Variants in SLC2A12 observed in about 807,000 individuals in gnomAD.
The protein encoded by SLC2A12 is solute carrier family 2, facilitated glucose transporter member 12.
SLC2A12 carries 23 observed loss-of-function variants against 41.8 expected under a neutral mutation model. The ratio of observed to expected loss-of-function variants is 0.55; its 90% CI spans 0.40 to 0.78. The LOEUF is 0.78. SLC2A12 is among the 30% of genes least tolerant of loss of function. The pLI is 0.00. For synonymous variants in SLC2A12, 295 were observed against 285.9 expected (o/e 1.03, Z -0.32); for missense variants, 654 against 745.6 (o/e 0.88, Z 1.43).
chr6:134,044,382 G>A (rs960180934), intron 1 of SLC2A12, among the ~76,000 whole-genome samples: 12 of 152,070 alleles, frequency 7.9e-5, no homozygotes, highest in Admixed American at 4.6e-4. Flanking sequence ...CAGTTAGTTC[G>A]ATTTTTATTT....
chr6:134,007,368 C>G (rs77180340), intron 2 of SLC2A12, among the ~76,000 whole-genome samples: 2,756 of 152,326 alleles, frequency 0.018, 82 homozygotes, highest in African/African-American at 0.063. Context: ...TCCCCCTGAC[C>G]TTGGAGGAGT....
intron 1 of SLC2A12, among the ~76,000 whole-genome samples, chr6:134,041,300 G>C (rs1777378019): frequency 6.6e-6 from 1 of 152,082 alleles, no homozygotes; most frequent in African/African-American, 2.4e-5. Flanking sequence ...TGAAATCATG[G>C]AAATTGGAGT....
At chr6:134,035,020 T>C (rs563451905) in intron 1 of SLC2A12, among the ~76,000 whole-genome samples, 1 of 152,002 alleles carries the variant, frequency 6.6e-6, no homozygotes, top group East Asian at 1.9e-4. Context: ...CCATAGGCAG[T>C]TTTGTTATGC....
At chr6:134,007,331 T>C (rs1776828147) in intron 2 of SLC2A12, among the ~76,000 whole-genome samples, 1 of 152,190 alleles carries the variant, frequency 6.6e-6, no homozygotes, top group Non-Finnish European at 1.5e-5. Context: ...GTACCTGCTG[T>C]AGGACTGGGC....
intron 1 of SLC2A12, among the ~76,000 whole-genome samples, chr6:134,039,168 T>C (rs1777346977): frequency 1.3e-5 from 2 of 152,248 alleles, no homozygotes; most frequent in African/African-American, 4.8e-5. Flanking sequence ...GTTAGTTTAA[T>C]ATATTCATTT....
chr6:134,017,090 G>A (rs1776972243), intron 2 of SLC2A12, among the ~76,000 whole-genome samples: 1 of 152,068 alleles, frequency 6.6e-6, no homozygotes, highest in African/African-American at 2.4e-5. Context: ...AGGAAGCTGG[G>A]TCTCATATTT....
At chr6:134,007,016 C>G (rs1422371434) in intron 2 of SLC2A12, 82 bp from the exon 3 acceptor site, 1 of 1,573,298 alleles carries the variant, frequency 6.4e-7, no homozygotes, top group East Asian at 2.3e-5. Flanking sequence ...CCTGATCTCT[C>G]CCTGCCCTCA....
chr6:134,021,803 A>G (rs1322045609), intron 2 of SLC2A12, among the ~76,000 whole-genome samples: 1 of 152,226 alleles, frequency 6.6e-6, no homozygotes, highest in Non-Finnish European at 1.5e-5. Context: ...GACCTCTAAA[A>G]AATGGAGTGG....
intron 1 of SLC2A12, among the ~76,000 whole-genome samples, chr6:134,038,171 A>C (rs543909999): frequency 6.6e-6 from 1 of 152,034 alleles, no homozygotes; most frequent in Non-Finnish European, 1.5e-5. Context: ...CCCGGGTTTG[A>C]TTTAGTAGCA....
chr6:133,991,011 G>T lies in SLC2A12; in HGVS notation c.*144C>A, dbSNP rs1388536602. On this transcript the variant is annotated 3_prime_UTR_variant, in exon 5 of 5. Coordinates refer to ENST00000275230, the MANE Select transcript of SLC2A12 (RefSeq NM_145176.3). ...CTTCTGGGGAGGAGGGGGATTAAAG[G>T]CTGTCTTTATCATTTCAGAGTGTCT... is the stretch of plus-strand genomic sequence containing the variant. 10 of 931,122 alleles carry T rather than the reference G, an allele frequency of 1.1e-5. No individual in the cohort carries two copies. Among genetic ancestry groups the T allele is most frequent in the Non-Finnish European group, 9.3e-6 (6 of 644,714 alleles). The allele number at this position is 931,122 out of a possible 1,614,324, so 57.7% of individuals were successfully genotyped here.
At chr6:134,003,847 T>G (rs562073413) in intron 3 of SLC2A12, among the ~76,000 whole-genome samples, 2 of 152,326 alleles carry the variant, frequency 1.3e-5, no homozygotes, top group East Asian at 3.9e-4. Context: ...TCTGGAACAG[T>G]CTGCTTTTAT....
At chr6:133,997,964 T>A (rs926666444) in intron 4 of SLC2A12, among the ~76,000 whole-genome samples, 2 of 152,238 alleles carry the variant, frequency 1.3e-5, no homozygotes, top group African/African-American at 4.8e-5. Flanking sequence ...TTTTTGTTCT[T>A]CATTACAAAC....
chr6:134,019,669 C>T (rs909361620), intron 2 of SLC2A12, among the ~76,000 whole-genome samples: 1 of 152,154 alleles, frequency 6.6e-6, no homozygotes, highest in African/African-American at 2.4e-5. Flanking sequence ...TGAACCTCTT[C>T]GGTAGGCTGG....
At chr6:134,050,121 A>G (rs187192483) in intron 1 of SLC2A12, among the ~76,000 whole-genome samples, 1 of 152,354 alleles carries the variant, frequency 6.6e-6, no homozygotes, top group East Asian at 1.9e-4. Flanking sequence ...AGATGAAGAT[A>G]CAATCCCAAT....
chr6:134,029,126 A>G lies in SLC2A12; in HGVS notation c.699T>C (p.Ala233=). ...FLVMKGQEGA[A]SKVLGRLRAL... ...CTCTTAACCTTCCAAGAACCTTGCT[A>G]GCAGCTCCCTCTTGTCCTTTCATCA... Residue 233 remains alanine (A), a synonymous_variant, in exon 2 of 5, where the codon GCT becomes GCC. Coordinates refer to ENST00000275230, the MANE Select transcript of SLC2A12 (RefSeq NM_145176.3). 1 of 1,614,154 alleles carries G rather than the reference A, an allele frequency of 6.2e-7. No homozygotes were observed. The highest frequency in any genetic ancestry group is 8.5e-7 in the Non-Finnish European group (1 of 1,180,022).
chr6:133,999,423 C>T (rs1776730044), intron 4 of SLC2A12, among the ~76,000 whole-genome samples: 1 of 152,212 alleles, frequency 6.6e-6, no homozygotes, highest in Admixed American at 6.5e-5. Context: ...GGTTAGGTCT[C>T]TTTCTTCACC....
chr6:134,043,790 CAA>C (rs529160646), intron 1 of SLC2A12, among the ~76,000 whole-genome samples: 16 of 69,950 alleles, frequency 2.3e-4, no homozygotes, highest in Admixed American at 4.5e-4. Context: ...GACTCTGTCC[CAA>C]AAAAAAAAAA....
chr6:134,028,462 C>A lies in SLC2A12; in HGVS notation c.1363G>T (p.Asp455Tyr), dbSNP rs1231280891. The change falls in exon 2 of 5, where the codon GAC (aspartate) becomes TAC (tyrosine). Residue 455 changes from aspartate to tyrosine, a missense_variant. Physicochemically the swap from Asp to Tyr is radical, Grantham distance 160 (BLOSUM62 -3). Transcript: ENST00000275230. ...AGCCATTTCAAAAAAGCTGGGACGT[C>A]CCCAGGGTCTGTGACTATCTGGTAT... ...TEYQIVTDPG[D>Y]VPAFLKWLSL... The A allele has an allele frequency of 1.2e-6, 2 of 1,614,074 alleles. No homozygotes were observed. The highest frequency in any genetic ancestry group is 2.7e-5 in the African/African-American group (2 of 74,944).
chr6:133,992,288 A>C (rs1472632514), intron 4 of SLC2A12, among the ~76,000 whole-genome samples: 1 of 152,186 alleles, frequency 6.6e-6, no homozygotes, highest in Non-Finnish European at 1.5e-5. Flanking sequence ...GCATAGATGT[A>C]GGTAGGTTAG....
Sources: gnomAD v4.1 joint callset for allele counts (sites outside exome capture counted in the v4.1 genomes callset) on GRCh38, gnomAD v4.1.1 for gene constraint, MANE v1.5 for transcripts, NCBI Gene and HGNC (gene_info 2026-07-23, HGNC 2026-07-21) for gene names.